Variants in SPTBN1 observed in about 807,000 individuals in gnomAD.
The protein encoded by SPTBN1 is spectrin beta, non-erythrocytic 1.
Under a neutral mutation model 266.4 loss-of-function variants are expected in SPTBN1, and 32 were observed. The ratio of observed to expected loss-of-function variants is 0.12; its 90% confidence interval spans 0.09 to 0.16. The LOEUF (loss-of-function observed/expected upper bound fraction) is 0.16. SPTBN1 is among the 10% of genes least tolerant of loss of function. The probability of loss-of-function intolerance (pLI) is 1.00; values close to 1 mark genes in which losing one functional copy is unlikely to be tolerated. For missense variants in SPTBN1, 2,296 were observed against 3,067.1 expected, an observed-to-expected ratio of 0.75 and a Z score of 5.94; for synonymous variants, 1,336 against 1,162.2, an observed-to-expected ratio of 1.15 and a Z score of -3.04.
intron 2 of SPTBN1, among the ~76,000 whole-genome samples, chr2:54,583,625 A>G (rs7586311): frequency 0.35 from 52,717 of 152,130 alleles, 11,881 homozygotes; most frequent in African/African-American, 0.65. Flanking sequence ...CATCTATTAC[A>G]AGGAAGTATT....
intron 1 of SPTBN1, among the ~76,000 whole-genome samples, chr2:54,472,519 A>C (rs1693980968): frequency 6.6e-6 from 1 of 152,124 alleles, no homozygotes; most frequent in Admixed American, 6.6e-5. Flanking sequence ...TGCAGTACTT[A>C]GTTCTTGTTT....
rs906393148 is a variant in SPTBN1 at position 54,512,195 on chromosome 2, C to T, written c.-47-14177C>T. ...CTGCTCACCTTCTGCTGTGTGGCCT[C>T]GGGGTTGGGGACCCCTCTAATAGAG... On this transcript the variant is annotated intron_variant, in intron 1 of 35. Coordinates refer to ENST00000356805, the MANE Select transcript of SPTBN1 (RefSeq NM_003128.3). Among the ~76,000 whole-genome samples the T allele has an allele frequency of 1.4e-4, 21 of 152,114 alleles. 1 individual carries two copies. The highest frequency in any genetic ancestry group is 1.2e-3 in the Admixed American group (19 of 15,276).
At chr2:54,504,459 G>C (rs1224747425) in intron 1 of SPTBN1, among the ~76,000 whole-genome samples, 1 of 152,040 alleles carries the variant, frequency 6.6e-6, no homozygotes, top group Non-Finnish European at 1.5e-5. Flanking sequence ...AACCAACCAT[G>C]GATAGAAAAT....
chr2:54,486,482 C>T (rs1034280512), intron 1 of SPTBN1, among the ~76,000 whole-genome samples: 5 of 152,088 alleles, frequency 3.3e-5, no homozygotes, highest in Non-Finnish European at 5.9e-5. Context: ...GGATTAAGGG[C>T]GGTGCAAGAT....
Position 54,670,729 on chromosome 2 carries a change from C to T in SPTBN1, c.*2160C>T. The T allele has an allele frequency of 7.5e-6, 3 of 398,628 alleles. No homozygotes were observed. Among genetic ancestry groups the T allele is most frequent in the East Asian group, 3.6e-5 (1 of 28,078 alleles). 24.7% of individuals were successfully genotyped at this position (398,628 alleles called of 1,614,324 possible). ...ATACGTACATGTGGAACATCGTGCA[C>T]ATAATTTCAACAGTTCGCAGATCTG... On this transcript the variant is annotated 3_prime_UTR_variant, in exon 36 of 36. Transcript: ENST00000356805.
At chr2:54,497,734 A>G (rs1190978115) in intron 1 of SPTBN1, among the ~76,000 whole-genome samples, 1 of 152,228 alleles carries the variant, frequency 6.6e-6, no homozygotes, top group African/African-American at 2.4e-5. Flanking sequence ...ACCTTTTGTT[A>G]CAGAAAGAAC....
intron 17 of SPTBN1, among the ~76,000 whole-genome samples, chr2:54,634,484 C>T (rs543261596): frequency 6.6e-6 from 1 of 152,170 alleles, no homozygotes; most frequent in South Asian, 2.1e-4. Context: ...GGGAGCTTTC[C>T]GATGACCTGC....
chr2:54,558,448 G>A lies in SPTBN1; in HGVS notation c.148+31882G>A. ...GGCTCGGCAACCGTGGCATGCTTAGGATTGGCCATATTTAAAAGTTCTGAA... is the reference window on the plus strand; with the variant it reads ...GGCTCGGCAACCGTGGCATGCTTAGAATTGGCCATATTTAAAAGTTCTGAA... On this transcript the variant is annotated intron_variant, in intron 2 of 35. Transcript: ENST00000356805. The surrounding 1 kb of genome is among the most constrained non-coding windows in gnomAD (Gnocchi z 4.6). The A allele has an allele frequency of 1.2e-5, 13 of 1,053,166 alleles. No individual in the cohort carries two copies. Among genetic ancestry groups the A allele is most frequent in the Non-Finnish European group, 1.4e-5 (12 of 873,550 alleles). 65.2% of individuals were successfully genotyped at this position (1,053,166 alleles called of 1,614,324 possible).
intron 1 of SPTBN1, chr2:54,520,504 C>T (rs1029026423): frequency 3.3e-5 from 5 of 152,078 alleles, no homozygotes; most frequent in Admixed American, 3.3e-4. Context: ...CTTATTGAAG[C>T]AGAAAATAAT....
intron 1 of SPTBN1, among the ~76,000 whole-genome samples, chr2:54,491,210 C>G (rs1246107329): frequency 1.3e-5 from 2 of 152,198 alleles, no homozygotes; most frequent in Admixed American, 6.5e-5. Flanking sequence ...ACTTAACCGA[C>G]AGGAAGATTC....
In SPTBN1 at chr2:54,640,222, T is replaced by A. The variant is rs990039709; in HGVS notation, c.3858+2419T>A. On this transcript the variant is annotated intron_variant, in intron 18 of 35. Coordinates refer to ENST00000356805, the MANE Select transcript of SPTBN1 (RefSeq NM_003128.3). The stretch of plus-strand genomic sequence containing the variant: ...TGTGGACCAGCCCTACATTTGATAA[T>A]CTACCTGTCATTCTGGTAGATATTT... Among the ~76,000 whole-genome samples, 3 of 152,192 alleles carry A rather than the reference T, an allele frequency of 2.0e-5. No individual in the cohort carries two copies. In the East Asian group the frequency reaches 5.8e-4, roughly 29 times the overall value.
chr2:54,526,306 C>T (rs1001917286), intron 1 of SPTBN1, 66 bp from the exon 2 acceptor site: 8 of 1,307,372 alleles, frequency 6.1e-6, no homozygotes, highest in Non-Finnish European at 8.4e-6. Flanking sequence ...ACTCTTATCC[C>T]AGTTGGTTCC....
Position 54,645,581 on chromosome 2 carries a change from G to A in SPTBN1, c.4494+128G>A, listed in dbSNP as rs906610559. 10 of 917,438 alleles carry A rather than the reference G, an allele frequency of 1.1e-5. No individual in the cohort carries two copies. Among genetic ancestry groups the A allele is most frequent in the East Asian group, 5.3e-5 (2 of 37,790 alleles). The allele number at this position is 917,438 out of a possible 1,614,324, so 56.8% of individuals were successfully genotyped here. A position where few individuals can be genotyped will look rare whatever the true frequency, so the allele number is the denominator to read the frequency against. Reference sequence around the variant, plus strand: ...GGCAAGCTGAGCTGCCAAAGTCCACGCTCTGGATGGTCTAAAGTTTCTTTC... The same window carrying A: ...GGCAAGCTGAGCTGCCAAAGTCCACACTCTGGATGGTCTAAAGTTTCTTTC... On this transcript the variant is annotated intron_variant, in intron 21 of 35. Coordinates refer to ENST00000356805, the MANE Select transcript of SPTBN1 (RefSeq NM_003128.3). This position sits in a 1 kb window ranked among gnomAD's most constrained non-coding sequence, Gnocchi z 4.3.
intron 5 of SPTBN1, 36 bp from the exon 6 acceptor site, chr2:54,617,572 T>C: frequency 1.9e-6 from 3 of 1,602,444 alleles, no homozygotes; most frequent in Non-Finnish European, 2.6e-6. Flanking sequence ...CATGTGGTAA[T>C]TGTGTTGCTT....
chr2:54,485,410 C>G (rs989939792), intron 1 of SPTBN1, among the ~76,000 whole-genome samples: 3 of 152,236 alleles, frequency 2.0e-5, no homozygotes, highest in Admixed American at 1.3e-4. Flanking sequence ...CCGGGCTGGT[C>G]TCCAGCTCCT....
intron 2 of SPTBN1, among the ~76,000 whole-genome samples, chr2:54,560,511 A>G (rs1673226623): frequency 1.3e-5 from 2 of 152,322 alleles, no homozygotes; most frequent in South Asian, 4.1e-4. Context: ...GAGCCTACAC[A>G]CAGGAAATGT....
chr2:54,547,118 C>T (rs2104417695), intron 2 of SPTBN1, among the ~76,000 whole-genome samples: 1 of 152,248 alleles, frequency 6.6e-6, no homozygotes, highest in East Asian at 1.9e-4. Flanking sequence ...AACAATAACT[C>T]ACCACGTTCC....
At chr2:54,651,099 A>G (rs1680251160) in intron 26 of SPTBN1, among the ~76,000 whole-genome samples, 2 of 152,240 alleles carry the variant, frequency 1.3e-5, no homozygotes. Flanking sequence ...AATTATTATT[A>G]TATAACAAAA....
At chr2:54,599,064 G>A (rs755145690) in intron 2 of SPTBN1, 28 bp from the exon 3 acceptor site, 1 of 1,611,504 alleles carries the variant, frequency 6.2e-7, no homozygotes, top group Non-Finnish European at 8.5e-7. Flanking sequence ...TGTGGTCAAT[G>A]GTAAAACAAG....
Sources: gnomAD v4.1 joint callset for allele counts (sites outside exome capture counted in the v4.1 genomes callset) on GRCh38, gnomAD v4.1.1 for gene constraint, Gnocchi (gnomAD v3.1) non-coding constraint, MANE v1.5 for transcripts, NCBI Gene and HGNC (gene_info 2026-07-23, HGNC 2026-07-21) for gene names.